Variants in MAGI2 observed in about 807,000 individuals in gnomAD.
MAGI2 encodes membrane associated guanylate kinase, WW and PDZ domain containing 2, also known as membrane-associated guanylate kinase, WW and PDZ domain-containing protein 2.
Under a neutral mutation model 133.3 loss-of-function variants are expected in MAGI2, and 35 were observed. The observed-to-expected ratio is 0.26, with a 90% confidence interval of 0.20 to 0.35. MAGI2 has a LOEUF of 0.35. Ranked by LOEUF, MAGI2 falls within the 10% of genes least tolerant of loss-of-function variation. The probability of loss-of-function intolerance (pLI) is 1.00; values close to 1 mark genes in which losing one functional copy is unlikely to be tolerated. For missense variants in MAGI2, 1,636 were observed against 1,863.4 expected, an observed-to-expected ratio of 0.88 and a Z score of 2.25; for synonymous variants, 729 against 710.6, an observed-to-expected ratio of 1.03 and a Z score of -0.41.
At chr7:79,229,231 G>C (rs912810745) in intron 1 of MAGI2, among the ~76,000 whole-genome samples, 2 of 151,528 alleles carry the variant, frequency 1.3e-5, no homozygotes, top group African/African-American at 4.8e-5. Context: ...TCTGCTGCTT[G>C]CTTCTGACGT....
chr7:78,586,698 A>C (rs1037659951), intron 3 of MAGI2, among the ~76,000 whole-genome samples: 6 of 152,080 alleles, frequency 3.9e-5, no homozygotes, highest in African/African-American at 2.4e-5. Flanking sequence ...ATCTTCCCAG[A>C]CTCAAACTAT....
At chr7:79,035,171 T>C (rs1810995854) in intron 1 of MAGI2, among the ~76,000 whole-genome samples, 1 of 130,346 alleles carries the variant, frequency 7.7e-6, no homozygotes, top group African/African-American at 3.0e-5. Flanking sequence ...TTTGAATCAG[T>C]GCATTCCCAC....
intron 2 of MAGI2, among the ~76,000 whole-genome samples, chr7:78,820,071 T>C (rs1789954203): frequency 6.6e-6 from 1 of 151,956 alleles, no homozygotes; most frequent in Non-Finnish European, 1.5e-5. Context: ...GACTTGGTCA[T>C]CGATTGTTAG....
intron 14 of MAGI2, among the ~76,000 whole-genome samples, chr7:78,171,677 C>G (rs1023872005): frequency 4.6e-5 from 7 of 152,248 alleles, no homozygotes; most frequent in Non-Finnish European, 7.3e-5. Context: ...CCCGTTACCA[C>G]TGGTCCTGGG....
intron 2 of MAGI2, among the ~76,000 whole-genome samples, chr7:78,949,508 A>G (rs1584478562): frequency 6.6e-6 from 1 of 152,202 alleles, no homozygotes. Flanking sequence ...TTGCATATAA[A>G]GAAAGCATGC....
intron 2 of MAGI2, among the ~76,000 whole-genome samples, chr7:78,693,771 G>A (rs10239001): frequency 0.53 from 81,129 of 151,772 alleles, 21,937 homozygotes; most frequent in African/African-American, 0.59. Flanking sequence ...TCCACCTTAT[G>A]TTAGTAGTTC....
intron 1 of MAGI2, among the ~76,000 whole-genome samples, chr7:79,190,217 C>T (rs1827532754): frequency 6.6e-6 from 1 of 151,844 alleles, no homozygotes; most frequent in Non-Finnish European, 1.5e-5. Flanking sequence ...ATCTTTCCAA[C>T]TGGTTTTACC....
intron 9 of MAGI2, among the ~76,000 whole-genome samples, chr7:78,322,682 C>T (rs185674026): frequency 1.3e-5 from 2 of 152,162 alleles, no homozygotes; most frequent in East Asian, 3.9e-4. Context: ...ATGGGTCCAG[C>T]AAACTACCAT....
intron 1 of MAGI2, among the ~76,000 whole-genome samples, chr7:79,449,869 GATATATACATATAT>G (rs1336686722): frequency 1.3e-4 from 8 of 62,654 alleles, no homozygotes; most frequent in African/African-American, 4.9e-4. Context: ...AACACTGTGA[GATATATACATATAT>G]ATATATATAT....
intron 2 of MAGI2, among the ~76,000 whole-genome samples, chr7:78,972,351 T>G (rs1803863457): frequency 6.6e-6 from 1 of 151,994 alleles, no homozygotes; most frequent in African/African-American, 2.4e-5. Flanking sequence ...CAATATTCTC[T>G]TAAATATGCA....
intron 2 of MAGI2, among the ~76,000 whole-genome samples, chr7:78,675,574 CAG>C (rs1364130758): frequency 6.6e-6 from 1 of 152,096 alleles, no homozygotes; most frequent in Admixed American, 6.6e-5. Context: ...AAGGAGAAAT[CAG>C]AGTCAGGCTT....
chr7:78,319,569 T>C (rs529367455), intron 9 of MAGI2, among the ~76,000 whole-genome samples: 14 of 152,224 alleles, frequency 9.2e-5, no homozygotes, highest in Non-Finnish European at 1.8e-4. Context: ...AAGATGTTCT[T>C]TGAAACCAAT....
At chr7:78,782,139 G>C (rs1322875013) in intron 2 of MAGI2, among the ~76,000 whole-genome samples, 1 of 152,176 alleles carries the variant, frequency 6.6e-6, no homozygotes, top group Non-Finnish European at 1.5e-5. Context: ...AGTCAGAGGT[G>C]AGCTTCCTCC....
chr7:78,221,876 T>G (rs149087111), intron 10 of MAGI2, among the ~76,000 whole-genome samples: 1 of 151,580 alleles, frequency 6.6e-6, no homozygotes, highest in African/African-American at 2.4e-5. Flanking sequence ...CCTTAAACGA[T>G]CCTTTTGTTT....
chr7:78,557,888 A>G (rs1799988423), intron 3 of MAGI2, among the ~76,000 whole-genome samples: 1 of 152,214 alleles, frequency 6.6e-6, no homozygotes, highest in Non-Finnish European at 1.5e-5. Flanking sequence ...TTTCAAACTT[A>G]GAGCACAAAT....
chr7:79,171,472 G>T (rs1354604581), intron 1 of MAGI2, among the ~76,000 whole-genome samples: 5 of 151,604 alleles, frequency 3.3e-5, no homozygotes, highest in African/African-American at 4.8e-5. Context: ...TTCAGCATAG[G>T]AATTTGGGAG....
intron 3 of MAGI2, among the ~76,000 whole-genome samples, chr7:78,555,217 G>T (rs906875713): frequency 9.3e-6 from 1 of 107,920 alleles, no homozygotes; most frequent in African/African-American, 5.1e-5. Flanking sequence ...TAGATAGATA[G>T]ATAGACAGAT....
At chr7:79,157,725 G>A (rs1192456530) in intron 1 of MAGI2, among the ~76,000 whole-genome samples, 1 of 151,946 alleles carries the variant, frequency 6.6e-6, no homozygotes, top group Admixed American at 6.6e-5. Context: ...AAGGTAAAGA[G>A]CCCTAAGTTT....
intron 1 of MAGI2, among the ~76,000 whole-genome samples, chr7:79,114,572 C>A (rs1011269067): frequency 6.6e-6 from 1 of 152,138 alleles, no homozygotes; most frequent in African/African-American, 2.4e-5. Context: ...TAGCTTCTAC[C>A]GTGATCAAGT....
Sources: allele counts gnomAD v4.1 joint callset (sites outside exome capture counted in the v4.1 genomes callset), GRCh38; gene constraint gnomAD v4.1.1; transcripts MANE v1.5; gene names NCBI Gene and HGNC (gene_info 2026-07-23, HGNC 2026-07-21).